RCSD1: variants seen among roughly 807,000 people sequenced by gnomAD.
The protein encoded by RCSD1 is capZ-interacting protein.
A neutral mutation model predicts 42.5 loss-of-function variants in RCSD1; 26 were observed. The ratio of observed to expected loss-of-function variants is 0.61; its 90% CI spans 0.45 to 0.85. RCSD1 has a LOEUF of 0.85. Among genes scored for constraint, RCSD1 ranks in the 40% least tolerant of loss-of-function variants. The pLI, the probability that RCSD1 is intolerant of heterozygous loss-of-function variation, is 0.00. For missense variants in RCSD1, 571 were observed against 528.3 expected, an observed-to-expected ratio of 1.08 and a Z score of -0.79; for synonymous variants, 220 against 212.2, an observed-to-expected ratio of 1.04 and a Z score of -0.32.
chr1:167,668,007 C>T (rs576653390), intron 1 of RCSD1, among the ~76,000 whole-genome samples: 3 of 152,184 alleles, frequency 2.0e-5, no homozygotes, highest in Admixed American at 6.5e-5. Context: ...TAAAAGCTCT[C>T]GGGCCAGGTG....
chr1:167,654,024 A>G (rs1051818727), intron 1 of RCSD1, among the ~76,000 whole-genome samples: 6 of 152,194 alleles, frequency 3.9e-5, no homozygotes, highest in African/African-American at 1.4e-4. Context: ...CTGAGCTCCA[A>G]TTCCACCTTC....
In RCSD1 at chr1:167,681,643, C is replaced by T. The variant is rs372927922; in HGVS notation, c.7-2257C>T. ...AGCTCTATTTTTAACTGGAATTTAT[C>T]TTCCTGCTCCACCAGTGATTGGCGC... On this transcript the variant is annotated intron_variant, in intron 1 of 6. Transcript: ENST00000367854. Among the ~76,000 whole-genome samples, 16 of 152,288 alleles carry T rather than the reference C, an allele frequency of 1.1e-4. No individual in the cohort carries two copies. In the South Asian group the frequency reaches 3.3e-3, roughly 32 times the overall value.
intron 1 of RCSD1, among the ~76,000 whole-genome samples, chr1:167,655,977 A>G (rs1658418317): frequency 6.6e-6 from 1 of 152,270 alleles, no homozygotes; most frequent in Non-Finnish European, 1.5e-5. Context: ...AAGTGAAGAA[A>G]CTATTAGTTA....
intron 5 of RCSD1, among the ~76,000 whole-genome samples, chr1:167,694,896 G>A (rs1247730400): frequency 1.3e-5 from 2 of 152,172 alleles, no homozygotes; most frequent in African/African-American, 4.8e-5. Flanking sequence ...CCCTCGCCCT[G>A]CTGGGAGGAG....
chr1:167,637,317 T>C (rs987757133), intron 1 of RCSD1, among the ~76,000 whole-genome samples: 4 of 152,166 alleles, frequency 2.6e-5, no homozygotes, highest in Non-Finnish European at 5.9e-5. Context: ...GTACAGGAAA[T>C]GTAAGTTGCA....
intron 1 of RCSD1, among the ~76,000 whole-genome samples, chr1:167,649,328 A>G (rs1658245651): frequency 1.3e-5 from 2 of 152,156 alleles, no homozygotes; most frequent in South Asian, 4.1e-4. Flanking sequence ...AGGTGCCGGG[A>G]TTTCTACACA....
chr1:167,634,683 T>A (rs1657789991), intron 1 of RCSD1, among the ~76,000 whole-genome samples: 2 of 152,206 alleles, frequency 1.3e-5, no homozygotes, highest in African/African-American at 4.8e-5. Flanking sequence ...AAATCCTTTG[T>A]TTGTTCAACT....
chr1:167,690,203 AG>A, intron 4 of RCSD1, 83 bp downstream of exon 4: 10 of 1,303,712 alleles, frequency 7.7e-6, no homozygotes, highest in Non-Finnish European at 1.1e-5. Flanking sequence ...TGAGGCTCAT[AG>A]GGGTAGCCTA....
intron 5 of RCSD1, among the ~76,000 whole-genome samples, chr1:167,695,268 G>A (rs1318977472): frequency 6.6e-6 from 1 of 152,248 alleles, no homozygotes; most frequent in Non-Finnish European, 1.5e-5. Context: ...GAGGCAGGGA[G>A]GGAGGAGCTG....
At chr1:167,673,971 T>C (rs1658874664) in intron 1 of RCSD1, among the ~76,000 whole-genome samples, 1 of 152,222 alleles carries the variant, frequency 6.6e-6, no homozygotes, top group South Asian at 2.1e-4. Flanking sequence ...CATTGCAGTG[T>C]TATGCATTTC....
intron 1 of RCSD1, among the ~76,000 whole-genome samples, chr1:167,654,956 G>T (rs1054810096): frequency 6.6e-6 from 1 of 152,146 alleles, no homozygotes; most frequent in Non-Finnish European, 1.5e-5. Flanking sequence ...GAGTTCAGCT[G>T]GGTCCTGCAG....
intron 1 of RCSD1, among the ~76,000 whole-genome samples, chr1:167,667,569 C>T (rs1019234016): frequency 1.3e-5 from 2 of 152,122 alleles, no homozygotes; most frequent in Non-Finnish European, 2.9e-5. Context: ...AAGACAGATA[C>T]CCATGGATAG....
intron 5 of RCSD1, among the ~76,000 whole-genome samples, chr1:167,694,971 CA>C (rs769601092): frequency 4.9e-4 from 74 of 152,168 alleles, no homozygotes; most frequent in Non-Finnish European, 9.0e-4. Flanking sequence ...AAGCAGGGGC[CA>C]AGACTTCTTG....
chr1:167,677,236 A>T (rs1345194164), intron 1 of RCSD1, among the ~76,000 whole-genome samples: 1 of 152,206 alleles, frequency 6.6e-6, no homozygotes, highest in Non-Finnish European at 1.5e-5. Context: ...CGGTTACCCC[A>T]ATGCATTCTA....
Position 167,706,824 on chromosome 1 carries a change from C to A in RCSD1, c.*2128C>A, listed in dbSNP as rs1393862769. On this transcript the variant is annotated 3_prime_UTR_variant, in exon 7 of 7. Coordinates refer to ENST00000367854, the MANE Select transcript of RCSD1 (RefSeq NM_052862.4). ...TGCTTAAAACTCTCCTTTCTCAAAG[C>A]AACCATGATCAGGTGTTTTATTTGC... 6.6e-6 allele frequency among the ~76,000 whole-genome samples: 1 copy of A among 152,164 alleles called. No individual in the cohort carries two copies. The highest frequency in any genetic ancestry group is 1.5e-5 in the Non-Finnish European group (1 of 68,034).
intron 1 of RCSD1, among the ~76,000 whole-genome samples, chr1:167,673,858 C>A (rs1177726123): frequency 6.6e-6 from 1 of 152,216 alleles, no homozygotes; most frequent in East Asian, 1.9e-4. Context: ...TCTCTCCTAG[C>A]AAGCTGTTAT....
At position 167,694,183 on chromosome 1, in the gene RCSD1, C is replaced by T. The variant is rs1309249570; in HGVS notation, c.355C>T (p.His119Tyr). ...ACTCAAGGCTATGGTGTCGCCATTT[C>T]ACAGCCCACCTTCTACCCCCAGCAG... is the stretch of plus-strand genomic sequence containing the variant. ...PGLKAMVSPF[H>Y]SPPSTPSSPG... Residue 119 changes from histidine to tyrosine, a missense_variant, in exon 5 of 7, where the codon CAC becomes TAC. His to Tyr is a moderately conservative substitution (Grantham distance 83, BLOSUM62 2). Coordinates refer to ENST00000367854, the MANE Select transcript of RCSD1 (RefSeq NM_052862.4). The T allele has an allele frequency of 1.2e-6, 2 of 1,614,112 alleles. No homozygotes were observed. The highest frequency in any genetic ancestry group is 1.7e-6 in the Non-Finnish European group (2 of 1,180,044).
intron 1 of RCSD1, among the ~76,000 whole-genome samples, chr1:167,677,614 C>G (rs565326000): frequency 3.3e-5 from 5 of 152,258 alleles, no homozygotes; most frequent in African/African-American, 1.2e-4. Flanking sequence ...CAGCCTTTCA[C>G]CAGATACACA....
At chr1:167,692,858 C>T (rs996932377) in intron 4 of RCSD1, among the ~76,000 whole-genome samples, 3 of 152,084 alleles carry the variant, frequency 2.0e-5, no homozygotes, top group South Asian at 2.1e-4. Flanking sequence ...AGGAGTTCTC[C>T]AGGACAGCAG....
Sources: gnomAD v4.1 joint callset for allele counts (sites outside exome capture counted in the v4.1 genomes callset) on GRCh38, gnomAD v4.1.1 for gene constraint, MANE v1.5 for transcripts, NCBI Gene and HGNC (gene_info 2026-07-23, HGNC 2026-07-21) for gene names.